Variants in SSC5D observed in about 807,000 individuals in gnomAD.
The protein encoded by SSC5D is soluble scavenger receptor cysteine-rich domain-containing protein SSC5D.
SSC5D carries 106 observed loss-of-function variants against 104.6 expected under a neutral mutation model. The ratio of observed to expected loss-of-function variants is 1.01; its 90% confidence interval spans 0.87 to 1.19. The LOEUF (loss-of-function observed/expected upper bound fraction) is 1.19, where lower values mean the gene tolerates loss of function less well. Ranked by LOEUF, SSC5D falls within the 50% of genes most tolerant of loss-of-function variation. The pLI, the probability that SSC5D is intolerant of heterozygous loss-of-function variation, is 0.00. For synonymous variants in SSC5D, 860 were observed against 883.5 expected (o/e 0.97, Z 0.47); for missense variants, 1,993 against 2,153.8 (o/e 0.93, Z 1.48).
Position 55,493,310 on chromosome 19 carries a change from T to C in SSC5D, c.896-285T>C, listed in dbSNP as rs368696681. On this transcript the variant is annotated intron_variant, in intron 6 of 13. Coordinates refer to ENST00000389623, the MANE Select transcript of SSC5D (RefSeq NM_001144950.2). ...GCTGAGACTTGGAAATCCGGCTCTC[T>C]AGGATCCGAGGGGCCAGGCATGGGA... Among the ~76,000 whole-genome samples, 6 of 152,166 alleles carry C rather than the reference T, an allele frequency of 3.9e-5. 1 individual carries two copies. In the East Asian group the frequency reaches 7.8e-4, roughly 20 times the overall value.
At chr19:55,496,519 T>C (rs1987329759) in intron 8 of SSC5D, among the ~76,000 whole-genome samples, 1 of 152,198 alleles carries the variant, frequency 6.6e-6, no homozygotes, top group Non-Finnish European at 1.5e-5. Context: ...GAGCATGCAC[T>C]GGCTCCTGGT....
Position 55,500,898 on chromosome 19 carries a change from A to G in SSC5D, c.2617+94A>G. 6.7e-7 allele frequency: 1 copy of G among 1,503,742 alleles called. No homozygotes were observed. Among genetic ancestry groups the G allele is most frequent in the Non-Finnish European group, 8.9e-7 (1 of 1,117,422 alleles). 93.1% of individuals were successfully genotyped at this position (1,503,742 alleles called of 1,614,324 possible). A position where few individuals can be genotyped will look rare whatever the true frequency, so the allele number is the denominator to read the frequency against. On this transcript the variant is annotated intron_variant, in intron 11 of 13. Transcript: ENST00000389623. This position sits in a 1 kb window ranked among gnomAD's most constrained non-coding sequence, Gnocchi z 4.6. ...AGGTGACGGCACCATGGTCGACTCTAAAGAACTGGGTATGAGGGGTCGGGG... is the reference window on the plus strand; with the variant it reads ...AGGTGACGGCACCATGGTCGACTCTGAAGAACTGGGTATGAGGGGTCGGGG...
chr19:55,508,185 G>A (rs1362263094), intron 12 of SSC5D, among the ~76,000 whole-genome samples: 1 of 152,148 alleles, frequency 6.6e-6, no homozygotes, highest in South Asian at 2.1e-4. Context: ...AGCTGTGGGA[G>A]TGGATGTGAC....
chr19:55,508,440 A>G (rs572371470), intron 12 of SSC5D, among the ~76,000 whole-genome samples: 2 of 151,950 alleles, frequency 1.3e-5, no homozygotes, highest in African/African-American at 4.8e-5. Context: ...CTGTGGTTAC[A>G]CTCCCTTCCT....
At chr19:55,510,892 C>T (rs1179033405) in intron 12 of SSC5D, among the ~76,000 whole-genome samples, 2 of 152,132 alleles carry the variant, frequency 1.3e-5, no homozygotes, top group Non-Finnish European at 2.9e-5. Context: ...GATTCTCCCG[C>T]CTCAGCCTCC....
rs1033582533 is a variant in SSC5D, at chr19:55,488,450, G to T, written c.-140G>T. 1.3e-5 allele frequency: 7 copies of T among 541,138 alleles called. No individual in the cohort carries two copies. Among genetic ancestry groups the T allele is most frequent in the Non-Finnish European group, 2.0e-5 (6 of 306,844 alleles). 33.5% of individuals were successfully genotyped at this position (541,138 alleles called of 1,614,324 possible). ...GCCTCTTTCTTCCTCCTGGCAAAGC[G>T]TCCAGCCCTGCCTGCTCCTCCTCGG... On this transcript the variant is annotated 5_prime_UTR_variant, in exon 1 of 14. Transcript: ENST00000389623.
chr19:55,499,911 G>A lies in SSC5D; in HGVS notation c.1801G>A (p.Ala601Thr). 1 of 1,551,774 alleles carries A rather than the reference G, an allele frequency of 6.4e-7. No homozygotes were observed. The highest frequency in any genetic ancestry group is 8.7e-7 in the Non-Finnish European group (1 of 1,147,026). The change falls in exon 10 of 14, where the codon GCC becomes ACC. Residue 601 changes from alanine to threonine, a missense_variant. Ala to Thr is a moderately conservative substitution (Grantham distance 58). This residue lies in a region of SSC5D where 1,101 missense variants were observed against 1,085.0 expected (regional missense o/e 1.01). Transcript: ENST00000389623. ...GGATGCCTGGCTCCCGGGAGAGCTG[G>A]CCACCAAGCCCTCTGCAAGTGTGAC... is the stretch of plus-strand genomic sequence containing the variant. Reference protein sequence around the residue: ...DRDAWLPGELATKPSASVTAS... With the variant: ...DRDAWLPGELTTKPSASVTAS...
chr19:55,507,067 G>T (rs527529596), intron 12 of SSC5D, among the ~76,000 whole-genome samples: 13 of 151,970 alleles, frequency 8.6e-5, no homozygotes, highest in Non-Finnish European at 1.8e-4. Context: ...TCCTCGGGAG[G>T]CTGAGGCAGG....
chr19:55,495,476 G>T (rs1232099117), intron 8 of SSC5D, among the ~76,000 whole-genome samples: 1 of 150,020 alleles, frequency 6.7e-6, no homozygotes, highest in Non-Finnish European at 1.5e-5. Flanking sequence ...CAAACCATCT[G>T]CCTGCCTCGG....
At chr19:55,499,749 G>C in intron 9 of SSC5D, 67 bp from the exon 10 acceptor site, 1 of 1,270,064 alleles carries the variant, frequency 7.9e-7, no homozygotes, top group East Asian at 2.5e-5. Flanking sequence ...GAGAAGGAGG[G>C]GCCTGGGTAG....
At chr19:55,507,466 A>G (rs2123451985) in intron 12 of SSC5D, among the ~76,000 whole-genome samples, 1 of 151,596 alleles carries the variant, frequency 6.6e-6, no homozygotes, top group East Asian at 2.0e-4. Context: ...GGAGTTCCAG[A>G]CCAGCCTGGC....
At chr19:55,505,528 G>A (rs2123450129) in intron 12 of SSC5D, among the ~76,000 whole-genome samples, 1 of 151,894 alleles carries the variant, frequency 6.6e-6, no homozygotes, top group Middle Eastern at 3.4e-3. Flanking sequence ...TGCTTAGTGG[G>A]CTAAGATCAA....
intron 6 of SSC5D, chr19:55,491,860 G>A (rs1987153343): frequency 6.6e-6 from 1 of 152,284 alleles, no homozygotes; most frequent in African/African-American, 2.4e-5. Flanking sequence ...GCCCCACCCT[G>A]CTGGACTGCC....
At position 55,500,955 on chromosome 19, in the gene SSC5D, C is replaced by A; in HGVS notation, c.2618-79C>A. 4 of 1,536,898 alleles carry A rather than the reference C, an allele frequency of 2.6e-6. No homozygotes were observed. Among genetic ancestry groups the A allele is most frequent in the Non-Finnish European group, 3.5e-6 (4 of 1,137,264 alleles). ...GATCCCAGAGTTGCTCCAGAAGATT[C>A]CAAAAGGGGAGGGAAGAGCAGCAGC... On this transcript the variant is annotated intron_variant, in intron 11 of 13. Transcript: ENST00000389623. This position sits in a 1 kb window ranked among gnomAD's most constrained non-coding sequence, Gnocchi z 4.6.
At position 55,490,878 on chromosome 19, in the gene SSC5D, C is replaced by A. The variant is rs777436474; in HGVS notation, c.693C>A (p.Asp231Glu). Residue 231 changes from aspartate to glutamate, a missense_variant, in exon 6 of 14, where the codon GAC becomes GAA. Transcript: ENST00000389623. ...GTGACGATGGCTGGGACCTGCGCGA[C>A]GCTGCTGTAGCCTGCCGGGAACTGG... ...TVCDDGWDLR[D>E]AAVACRELGC... is the part of the protein sequence containing the mutation. 8 of 1,546,380 alleles carry A rather than the reference C, an allele frequency of 5.2e-6. No individual in the cohort carries two copies. The highest frequency in any genetic ancestry group is 2.7e-5 in the African/African-American group (2 of 72,914).
intron 9 of SSC5D, among the ~76,000 whole-genome samples, chr19:55,498,563 C>G (rs759630255): frequency 6.6e-6 from 1 of 152,174 alleles, no homozygotes; most frequent in Non-Finnish European, 1.5e-5. Context: ...AGGAAGCAGG[C>G]AGGGCACTGG....
Position 55,517,953 on chromosome 19 carries a change from C to A in SSC5D, c.3677C>A (p.Thr1226Asn). The change falls in exon 14 of 14, where the codon ACC becomes AAC. Residue 1226 changes from threonine (T) to asparagine (N), a missense_variant. Around this residue, in one of 6 missense-constraint regions of SSC5D, gnomAD observed 20 missense variants for 102.5 expected, o/e 0.20. Transcript: ENST00000389623. ...CCCACCACAACCCCTCAACCCTTCA[C>A]CACCATGCAGCCCACCACAACCCCT... Reference protein sequence around the residue: ...PDPTTTPQPFTTMQPTTTPHS... With the variant: ...PDPTTTPQPFNTMQPTTTPHS... 1 of 1,536,054 alleles carries A rather than the reference C, an allele frequency of 6.5e-7. No homozygotes were observed. The highest frequency in any genetic ancestry group is 8.8e-7 in the Non-Finnish European group (1 of 1,142,594).
At chr19:55,504,499 T>C (rs1286406664) in intron 12 of SSC5D, among the ~76,000 whole-genome samples, 1 of 152,140 alleles carries the variant, frequency 6.6e-6, no homozygotes, top group Non-Finnish European at 1.5e-5. Flanking sequence ...TTATATTGTT[T>C]TATTTATTTA....
Position 55,512,452 on chromosome 19 carries a change from C to T in SSC5D, c.2786-559C>T, listed in dbSNP as rs549540666. On this transcript the variant is annotated intron_variant, in intron 12 of 13. Transcript: ENST00000389623. ...TGTTATGGTTTTTCCCCCGCTAGGG[C>T]AGGAGCCTTGAGGAATTAAAATAAT... Among the ~76,000 whole-genome samples, 377 of 147,510 alleles carry T rather than the reference C, an allele frequency of 2.6e-3. 1 individual carries two copies. Among genetic ancestry groups the T allele is most frequent in the Non-Finnish European group, 4.3e-3 (289 of 67,372 alleles).
Sources: allele counts gnomAD v4.1 joint callset (sites outside exome capture counted in the v4.1 genomes callset), GRCh38; gene constraint gnomAD v4.1.1; regional missense constraint gnomAD v4.1.1; non-coding constraint Gnocchi (gnomAD v3.1); transcripts MANE v1.5; gene names NCBI Gene and HGNC (gene_info 2026-07-23, HGNC 2026-07-21).